Variants in CADM2 observed in about 807,000 individuals in gnomAD.
CADM2 encodes the protein cell adhesion molecule 2.
CADM2 carries 12 observed loss-of-function variants against 49.8 expected under a neutral mutation model. The observed-to-expected ratio is 0.24, with a 90% CI of 0.15 to 0.39. The LOEUF (loss-of-function observed/expected upper bound fraction) is 0.39. Among genes scored for constraint, CADM2 ranks in the 10% least tolerant of loss-of-function variants. CADM2 has a pLI of 1.00. For synonymous variants in CADM2, 214 were observed against 175.4 expected (o/e 1.22, Z -1.74); for missense variants, 378 against 492.3 (o/e 0.77, Z 2.20).
At chr3:85,616,396 G>A (rs1241523783) in intron 1 of CADM2, among the ~76,000 whole-genome samples, 5 of 152,012 alleles carry the variant, frequency 3.3e-5, no homozygotes, top group Non-Finnish European at 5.9e-5. Flanking sequence ...ATTAAATAAA[G>A]CTATTGAAAT....
intron 1 of CADM2, among the ~76,000 whole-genome samples, chr3:85,267,733 T>G (rs2043152728): frequency 6.6e-6 from 1 of 151,502 alleles, no homozygotes; most frequent in African/African-American, 2.4e-5. Context: ...TAATTGGACA[T>G]AAACAAAAAC....
chr3:85,234,084 A>C (rs1169240819), intron 1 of CADM2, among the ~76,000 whole-genome samples: 1 of 152,056 alleles, frequency 6.6e-6, no homozygotes, highest in African/African-American at 2.4e-5. Flanking sequence ...TGTTTTGCAG[A>C]TAGGTTACCT....
At chr3:85,913,895 A>T (rs1394698953) in intron 6 of CADM2, among the ~76,000 whole-genome samples, 2 of 152,128 alleles carry the variant, frequency 1.3e-5, no homozygotes, top group East Asian at 1.9e-4. Flanking sequence ...AAGTACAAAG[A>T]CCCTGAGGTA....
At chr3:85,937,548 T>C (rs1217462095) in intron 7 of CADM2, among the ~76,000 whole-genome samples, 2 of 152,010 alleles carry the variant, frequency 1.3e-5, no homozygotes, top group Non-Finnish European at 2.9e-5. Context: ...CTTTCTATTA[T>C]GTGCTGCTAC....
intron 1 of CADM2, among the ~76,000 whole-genome samples, chr3:85,450,988 C>T (rs1217213530): frequency 1.3e-5 from 2 of 151,998 alleles, no homozygotes; most frequent in Non-Finnish European, 1.5e-5. Flanking sequence ...AACAGCTAGA[C>T]TCATTTAATA....
At chr3:85,040,770 C>T (rs2035402685) in intron 1 of CADM2, among the ~76,000 whole-genome samples, 1 of 152,146 alleles carries the variant, frequency 6.6e-6, no homozygotes, top group African/African-American at 2.4e-5. Flanking sequence ...ATTTTCACTA[C>T]ATTCAGCACT....
intron 1 of CADM2, among the ~76,000 whole-genome samples, chr3:84,996,967 G>A (rs1188179387): frequency 6.6e-6 from 1 of 152,182 alleles, no homozygotes; most frequent in Admixed American, 6.5e-5. Context: ...ATTATTAACT[G>A]CTTGTCAACC....
intron 1 of CADM2, among the ~76,000 whole-genome samples, chr3:84,991,023 A>AT (rs1267016413): frequency 1.3e-5 from 2 of 152,048 alleles, no homozygotes; most frequent in Admixed American, 6.6e-5. Flanking sequence ...TCACAACTCC[A>AT]TTTTACTGAC....
At chr3:85,528,929 T>C (rs2061234624) in intron 1 of CADM2, among the ~76,000 whole-genome samples, 1 of 152,196 alleles carries the variant, frequency 6.6e-6, no homozygotes, top group East Asian at 1.9e-4. Context: ...CTCTTTTTGA[T>C]AGAAAGAGGA....
intron 1 of CADM2, among the ~76,000 whole-genome samples, chr3:85,295,551 A>T (rs1267661494): frequency 1.3e-5 from 2 of 152,014 alleles, no homozygotes; most frequent in African/African-American, 4.8e-5. Context: ...CAAATATCCA[A>T]CAATGATAGA....
At chr3:85,788,362 A>G (rs2071125221) in intron 2 of CADM2, among the ~76,000 whole-genome samples, 3 of 152,104 alleles carry the variant, frequency 2.0e-5, no homozygotes, top group African/African-American at 7.2e-5. Flanking sequence ...CACATATTTT[A>G]TATCTATGCC....
chr3:85,680,565 A>G (rs2066011862), intron 1 of CADM2, among the ~76,000 whole-genome samples: 1 of 152,212 alleles, frequency 6.6e-6, no homozygotes, highest in South Asian at 2.1e-4. Flanking sequence ...ATTGAATGAC[A>G]TGATGAATAA....
intron 1 of CADM2, among the ~76,000 whole-genome samples, chr3:85,553,986 T>C (rs2107135890): frequency 6.6e-6 from 1 of 152,238 alleles, no homozygotes; most frequent in African/African-American, 2.4e-5. Context: ...TTGTGGTAAA[T>C]AAGTAACAAA....
intron 1 of CADM2, among the ~76,000 whole-genome samples, chr3:85,531,716 C>G (rs901009647): frequency 6.6e-6 from 1 of 151,932 alleles, no homozygotes; most frequent in Non-Finnish European, 1.5e-5. Flanking sequence ...TTCCCCCAGT[C>G]TAAAAATATA....
chr3:85,392,613 A>T (rs1372013582), intron 1 of CADM2, among the ~76,000 whole-genome samples: 1 of 152,122 alleles, frequency 6.6e-6, no homozygotes, highest in Non-Finnish European at 1.5e-5. Context: ...TTTTTAAAGC[A>T]GCACTCCCAG....
intron 8 of CADM2, among the ~76,000 whole-genome samples, chr3:85,996,910 T>C (rs907034410): frequency 5.3e-5 from 8 of 152,224 alleles, no homozygotes; most frequent in Admixed American, 3.9e-4. Context: ...GAAATTCCTG[T>C]TCTTACACTT....
intron 1 of CADM2, among the ~76,000 whole-genome samples, chr3:85,453,188 T>C (rs1368491389): frequency 6.6e-6 from 1 of 152,128 alleles, no homozygotes; most frequent in African/African-American, 2.4e-5. Context: ...ATTTTTTTGT[T>C]TGTGTTTTGT....
intron 1 of CADM2, among the ~76,000 whole-genome samples, chr3:85,184,882 C>G (rs1295014415): frequency 1.3e-5 from 2 of 152,080 alleles, no homozygotes; most frequent in East Asian, 3.9e-4. Context: ...GGGATAAACT[C>G]TCTTCAAAAC....
At chr3:85,367,174 C>T (rs1240231978) in intron 1 of CADM2, among the ~76,000 whole-genome samples, 1 of 151,840 alleles carries the variant, frequency 6.6e-6, no homozygotes, top group Non-Finnish European at 1.5e-5. Flanking sequence ...ATTTTAGTAG[C>T]ATGTTATTTG....
Sources: allele counts gnomAD v4.1 joint callset (sites outside exome capture counted in the v4.1 genomes callset), GRCh38; gene constraint gnomAD v4.1.1; transcripts MANE v1.5; gene names NCBI Gene and HGNC (gene_info 2026-07-23, HGNC 2026-07-21).